Variants in TNFRSF9 observed in about 807,000 individuals in gnomAD.
TNFRSF9 encodes TNF receptor superfamily member 9.
In TNFRSF9, 16 loss-of-function variants were observed where a neutral mutation model predicts 28.8. The observed-to-expected ratio is 0.55, with a 90% CI of 0.38 to 0.84. The LOEUF (loss-of-function observed/expected upper bound fraction) is 0.84, where lower values mean the gene tolerates loss of function less well. Among genes scored for constraint, TNFRSF9 ranks in the 40% least tolerant of loss-of-function variants. The pLI is 0.00. For synonymous variants in TNFRSF9, 131 were observed against 117.0 expected (o/e 1.12, Z -0.77); for missense variants, 303 against 315.0 (o/e 0.96, Z 0.29).
intron 7 of TNFRSF9, among the ~76,000 whole-genome samples, chr1:7,922,889 A>G (rs1639582664): frequency 6.7e-6 from 1 of 149,630 alleles, no homozygotes; most frequent in African/African-American, 2.5e-5. Context: ...TAGCAAGACT[A>G]CAAACTTCTT....
intron 7 of TNFRSF9, among the ~76,000 whole-genome samples, chr1:7,929,513 T>G (rs542413392): frequency 6.6e-6 from 1 of 152,188 alleles, no homozygotes; most frequent in East Asian, 1.9e-4. Context: ...CATCCCTGAA[T>G]ACACCCACCG....
In TNFRSF9 at chr1:7,920,841, T is replaced by C. The variant is rs748245002; in HGVS notation, c.762A>G (p.Glu254=). ...RFPEEEEGGC[E]L ...AGCCCTATTGACTTCCATTTCACAG[T>C]TCACATCCTCCTTCTTCTTCTTCTG... The change falls in exon 8 of 8, where the codon GAA becomes GAG. Residue 254 remains glutamate (E), a synonymous_variant. Coordinates refer to ENST00000377507, the MANE Select transcript of TNFRSF9 (RefSeq NM_001561.6). 4.3e-6 allele frequency: 7 copies of C among 1,613,536 alleles called. No individual in the cohort carries two copies. The highest frequency in any genetic ancestry group is 1.1e-5 in the South Asian group (1 of 91,072).
At chr1:7,928,914 A>AAAAC (rs928175739) in intron 7 of TNFRSF9, among the ~76,000 whole-genome samples, 17 of 152,156 alleles carry the variant, frequency 1.1e-4, no homozygotes, top group African/African-American at 3.9e-4. Context: ...AAAAAACCAA[A>AAAAC]AAACAAACAA....
intron 7 of TNFRSF9, among the ~76,000 whole-genome samples, chr1:7,921,289 T>C (rs1428662250): frequency 6.6e-6 from 1 of 151,620 alleles, no homozygotes; most frequent in Non-Finnish European, 1.5e-5. Flanking sequence ...TGACTTGAGA[T>C]GGCGCCATTG....
rs1286253697 is a variant in TNFRSF9 at position 7,916,046 on chromosome 1, T to C, written c.*4789A>G. On this transcript the variant is annotated 3_prime_UTR_variant, in exon 8 of 8. Coordinates refer to ENST00000377507, the MANE Select transcript of TNFRSF9 (RefSeq NM_001561.6). ...TCACCCACAGATGGAAACATCTTCC[T>C]GTGGGGGAAGATGCCCACTTTATAG... The C allele has an allele frequency of 6.6e-6, 1 of 152,188 alleles. No homozygotes were observed. Among genetic ancestry groups the C allele is most frequent in the Non-Finnish European group, 1.5e-5 (1 of 68,024 alleles). 9.4% of individuals were successfully genotyped at this position (152,188 alleles called of 1,614,324 possible).
chr1:7,933,744 C>T (rs573504525), intron 6 of TNFRSF9, among the ~76,000 whole-genome samples: 4 of 151,426 alleles, frequency 2.6e-5, no homozygotes, highest in South Asian at 2.1e-4. Context: ...TGGCAGGGAG[C>T]GGTGGCTCAC....
Position 7,920,632 on chromosome 1 carries a change from CAG to C in TNFRSF9, c.*201_*202del. 2.0e-6 allele frequency: 1 copy of C among 490,958 alleles called. No individual in the cohort carries two copies. The highest frequency in any genetic ancestry group is 3.6e-6 in the Non-Finnish European group (1 of 276,326). 30.4% of individuals were successfully genotyped at this position (490,958 alleles called of 1,614,324 possible). On this transcript the variant is annotated 3_prime_UTR_variant, in exon 8 of 8. Transcript: ENST00000377507. ...TGCCACTGCACTCCAGCCTGGGTGA[CAG>C]AGTGAGACCCTGTCAAAAAAAAAAA...
intron 7 of TNFRSF9, among the ~76,000 whole-genome samples, chr1:7,924,325 AT>A (rs1639606579): frequency 6.2e-5 from 6 of 96,604 alleles, no homozygotes; most frequent in South Asian, 3.4e-4. Context: ...ATATATATAT[AT>A]ATATATATAA....
At chr1:7,932,718 CACGCACACACACACAT>C (rs1225583706) in intron 7 of TNFRSF9, among the ~76,000 whole-genome samples, 2 of 146,158 alleles carry the variant, frequency 1.4e-5, no homozygotes, top group East Asian at 4.5e-4. Flanking sequence ...CACACACAGA[CACGCACACACACACAT>C]ACACACACAC....
At position 7,920,084 on chromosome 1, in the gene TNFRSF9, T is replaced by C. The variant is rs1054598069; in HGVS notation, c.*751A>G. 2 of 152,224 alleles carry C rather than the reference T, an allele frequency of 1.3e-5. No individual in the cohort carries two copies. Among genetic ancestry groups the C allele is most frequent in the African/African-American group, 4.8e-5 (2 of 41,400 alleles). The allele number at this position is 152,224 out of a possible 1,614,324, so 9.4% of individuals were successfully genotyped here. On this transcript the variant is annotated 3_prime_UTR_variant, in exon 8 of 8. Transcript: ENST00000377507. ...CATACTCCCCCCTGACGGTGGAGCATGTCGTGTTACATGACAGAACCCACG... is the reference window on the plus strand; with the variant it reads ...CATACTCCCCCCTGACGGTGGAGCACGTCGTGTTACATGACAGAACCCACG...
chr1:7,925,329 A>G lies in TNFRSF9; in HGVS notation c.680-4406T>C, dbSNP rs1208979560. On this transcript the variant is annotated intron_variant, in intron 7 of 7. Coordinates refer to ENST00000377507, the MANE Select transcript of TNFRSF9 (RefSeq NM_001561.6). ...AAAAAAAAAAAATTAAAGTTTATGAAGTAAAAAGTCACAGTAAGCTAAGGT... is the reference window on the plus strand; with the variant it reads ...AAAAAAAAAAAATTAAAGTTTATGAGGTAAAAAGTCACAGTAAGCTAAGGT... Among the ~76,000 whole-genome samples the G allele has an allele frequency of 3.9e-5, 6 of 152,108 alleles. No homozygotes were observed. In the East Asian group the frequency reaches 1.2e-3, roughly 29 times the overall value.
At chr1:7,934,364 G>C (rs150236385) in intron 6 of TNFRSF9, among the ~76,000 whole-genome samples, 117 of 151,220 alleles carry the variant, frequency 7.7e-4, no homozygotes, top group African/African-American at 2.7e-3. Context: ...CACAGAACAA[G>C]GCACTCTCGG....
rs1639839884 is a variant in TNFRSF9, at chr1:7,937,618, A to G, written c.413+72T>C. On this transcript the variant is annotated intron_variant, in intron 5 of 7. Coordinates refer to ENST00000377507, the MANE Select transcript of TNFRSF9 (RefSeq NM_001561.6). ...TGATGGGTGCAAAAAAGCTTCAATG[A>G]TAGCATTCCTTATCTTCCAAAAAAT... 15 of 1,267,822 alleles carry G rather than the reference A, an allele frequency of 1.2e-5. No homozygotes were observed. In the South Asian group the frequency reaches 1.8e-4, roughly 15 times the overall value. The allele number at this position is 1,267,822 out of a possible 1,614,324, so 78.5% of individuals were successfully genotyped here.
intron 1 of TNFRSF9, 30 bp from the exon 2 acceptor site, chr1:7,940,108 G>GAGAAACCACCTTTCCT: frequency 1.4e-6 from 1 of 712,102 alleles, no homozygotes; most frequent in Non-Finnish European, 2.4e-6. Context: ...CCAAGGAAAG[G>GAGAAACCACCTTTCCT]TGGTTTCTCC....
rs9657977 is a variant in TNFRSF9, at chr1:7,935,272, C to T, written c.414-129G>A. ...AGATATATGGGTCTGGGTTCGAAAGCGATGCAAAGATATTTTGAAAAACTT... is the reference window on the plus strand; with the variant it reads ...AGATATATGGGTCTGGGTTCGAAAGTGATGCAAAGATATTTTGAAAAACTT... On this transcript the variant is annotated intron_variant, in intron 5 of 7. Coordinates refer to ENST00000377507, the MANE Select transcript of TNFRSF9 (RefSeq NM_001561.6). 900 of 1,014,238 alleles carry T rather than the reference C, an allele frequency of 8.9e-4. 6 individuals carry two copies. The African/African-American group carries it at 0.013, about 15-fold the overall frequency. 62.8% of individuals were successfully genotyped at this position (1,014,238 alleles called of 1,614,324 possible).
chr1:7,917,971 T>TATATATAG lies in TNFRSF9; in HGVS notation c.*2863_*2864insCTATATAT, dbSNP rs1553339314. The TATATATAG allele has an allele frequency of 1.6e-4, 23 of 145,058 alleles. No individual in the cohort carries two copies. Among genetic ancestry groups the TATATATAG allele is most frequent in the Non-Finnish European group, 2.2e-4 (15 of 67,510 alleles). 9.0% of individuals were successfully genotyped at this position (145,058 alleles called of 1,614,324 possible). On this transcript the variant is annotated 3_prime_UTR_variant, in exon 8 of 8. Coordinates refer to ENST00000377507, the MANE Select transcript of TNFRSF9 (RefSeq NM_001561.6). The stretch of plus-strand genomic sequence containing the variant: ...ATTACAAAGGATATATATATATATA[T>TATATATAG]ATATAGATATAGATAGATAGATAGA...
chr1:7,937,570 G>A (rs1639838453), intron 5 of TNFRSF9, 120 bp downstream of exon 5: 1 of 738,076 alleles, frequency 1.4e-6, no homozygotes, highest in Non-Finnish European at 2.3e-6. Flanking sequence ...CTGCCTATTA[G>A]TATGTTACAT....
chr1:7,922,846 C>T (rs1639581994), intron 7 of TNFRSF9, among the ~76,000 whole-genome samples: 1 of 151,174 alleles, frequency 6.6e-6, no homozygotes, highest in Non-Finnish European at 1.5e-5. Flanking sequence ...GGAGCTTGTA[C>T]TCTCTAGTTA....
At chr1:7,939,334 A>C (rs1433903161) in intron 2 of TNFRSF9, among the ~76,000 whole-genome samples, 2 of 151,796 alleles carry the variant, frequency 1.3e-5, no homozygotes, top group Non-Finnish European at 2.9e-5. Flanking sequence ...AAAAAAAAAA[A>C]AACATACACA....
Sources: gnomAD v4.1 joint callset for allele counts (sites outside exome capture counted in the v4.1 genomes callset) on GRCh38, gnomAD v4.1.1 for gene constraint, MANE v1.5 for transcripts, NCBI Gene and HGNC (gene_info 2026-07-23, HGNC 2026-07-21) for gene names.